The following MORC1 variants were observed in gnomAD, a reference collection of about 807,000 sequenced individuals.
MORC1 encodes MORC family CW-type zinc finger 1.
MORC1 carries 59 observed loss-of-function variants against 134.9 expected under a neutral mutation model. The observed-to-expected ratio is 0.44, with a 90% CI of 0.35 to 0.54. MORC1 has a LOEUF of 0.54. Ranked by LOEUF, MORC1 falls within the 20% of genes least tolerant of loss-of-function variation. The probability of loss-of-function intolerance (pLI) is 0.00; values close to 1 mark genes in which losing one functional copy is unlikely to be tolerated. For missense variants in MORC1, 947 were observed against 1,134.5 expected, an observed-to-expected ratio of 0.83 and a Z score of 2.37; for synonymous variants, 395 against 391.7, an observed-to-expected ratio of 1.01 and a Z score of -0.10.
chr3:108,995,253 T>C (rs534261960), intron 21 of MORC1, among the ~76,000 whole-genome samples: 2 of 152,198 alleles, frequency 1.3e-5, no homozygotes, highest in Non-Finnish European at 2.9e-5. Flanking sequence ...TAGCAACATC[T>C]ACTCAGACAC....
intron 8 of MORC1, among the ~76,000 whole-genome samples, chr3:109,081,732 C>T (rs1483157310): frequency 2.0e-5 from 3 of 152,100 alleles, no homozygotes; most frequent in Admixed American, 6.5e-5. Flanking sequence ...GGATTACAGG[C>T]GTGAGCCACT....
Position 109,040,403 on chromosome 3 carries a change from AG to A in MORC1, c.1331-4936del, listed in dbSNP as rs756607878. On this transcript the variant is annotated intron_variant, in intron 14 of 27. Transcript: ENST00000232603. The stretch of plus-strand genomic sequence containing the variant: ...GAAAGAAAGAAAGAAAGAAAGAAAG[AG>A]AAGGAAGGAAGGAAGGAAGGAAGGA... 4.7e-3 allele frequency among the ~76,000 whole-genome samples: 64 copies of A among 13,488 alleles called. 2 individuals are homozygous for A. The highest frequency in any genetic ancestry group is 9.4e-3 in the South Asian group (2 of 212). The allele number at this position is 13,488 out of a possible 152,430, so 8.8% of individuals were successfully genotyped here. A position where few individuals can be genotyped will look rare whatever the true frequency, so the allele number is the denominator to read the frequency against.
At chr3:108,960,208 TAGC>T (rs1378509184) in intron 27 of MORC1, among the ~76,000 whole-genome samples, 5 of 152,250 alleles carry the variant, frequency 3.3e-5, no homozygotes, top group African/African-American at 1.2e-4. Flanking sequence ...TGATGCTTAA[TAGC>T]AGAAACAATC....
intron 13 of MORC1, among the ~76,000 whole-genome samples, chr3:109,055,480 C>A (rs1279308821): frequency 6.6e-6 from 1 of 152,196 alleles, no homozygotes. Context: ...CAAAGCCTCA[C>A]AATTTGGGGT....
intron 14 of MORC1, among the ~76,000 whole-genome samples, chr3:109,039,064 G>A (rs1369725452): frequency 6.6e-6 from 1 of 152,078 alleles, no homozygotes; most frequent in Non-Finnish European, 1.5e-5. Context: ...TTACAGGTGT[G>A]AAGCATAATG....
At chr3:109,035,217 TG>T in intron 15 of MORC1, 122 bp downstream of exon 15, 1 of 884,824 alleles carries the variant, frequency 1.1e-6, no homozygotes, top group South Asian at 1.7e-5. Context: ...TCTTCCAGAC[TG>T]TAAACTCCTG....
chr3:109,080,608 G>A (rs954869700), intron 8 of MORC1, among the ~76,000 whole-genome samples: 8 of 152,092 alleles, frequency 5.3e-5, no homozygotes, highest in African/African-American at 1.9e-4. Context: ...AAGAACCAAC[G>A]TATAAGTGTG....
At chr3:109,067,834 T>C (rs3804671) in intron 9 of MORC1, among the ~76,000 whole-genome samples, 23,785 of 152,144 alleles carry the variant, frequency 0.16, 2,067 homozygotes, top group African/African-American at 0.22. Context: ...TCAGGGAGTA[T>C]GATGCAGAGA....
intron 7 of MORC1, among the ~76,000 whole-genome samples, chr3:109,094,291 A>T (rs530175078): frequency 6.6e-6 from 1 of 152,334 alleles, no homozygotes; most frequent in East Asian, 1.9e-4. Context: ...AGAGTAATTA[A>T]GAGGACAACT....
At chr3:109,059,470 A>T (rs1950031033) in intron 12 of MORC1, among the ~76,000 whole-genome samples, 1 of 152,200 alleles carries the variant, frequency 6.6e-6, no homozygotes, top group South Asian at 2.1e-4. Flanking sequence ...ACAGAAGGAA[A>T]GTGAGTTATC....
At chr3:108,969,565 A>T in intron 26 of MORC1, 104 bp downstream of exon 26, 1 of 1,186,404 alleles carries the variant, frequency 8.4e-7, no homozygotes, top group Non-Finnish European at 1.2e-6. Flanking sequence ...AGTGAATGCA[A>T]ATTTGATTTC....
At chr3:109,041,488 G>C (rs1410600896) in intron 14 of MORC1, among the ~76,000 whole-genome samples, 1 of 151,884 alleles carries the variant, frequency 6.6e-6, no homozygotes, top group Non-Finnish European at 1.5e-5. Flanking sequence ...GAGGTGGGCG[G>C]ATCACCTGAG....
intron 15 of MORC1, among the ~76,000 whole-genome samples, chr3:109,034,402 T>A (rs1023351947): frequency 1.2e-4 from 18 of 152,336 alleles, no homozygotes; most frequent in Middle Eastern, 6.8e-3. Context: ...TGCCCCTTTG[T>A]GTAGTGGCTA....
intron 1 of MORC1, among the ~76,000 whole-genome samples, chr3:109,117,331 CAAAAAAAAA>C (rs202128565): frequency 6.2e-5 from 7 of 113,644 alleles, no homozygotes; most frequent in Non-Finnish European, 1.1e-4. Flanking sequence ...CAAAAGATGT[CAAAAAAAAA>C]AAAAAAAAAA....
chr3:109,103,714 C>T (rs1176250522), intron 4 of MORC1, 135 bp downstream of exon 4: 2 of 706,102 alleles, frequency 2.8e-6, no homozygotes, highest in Admixed American at 6.3e-5. Flanking sequence ...CTAAAAAGTT[C>T]AACAAAAAGT....
intron 17 of MORC1, among the ~76,000 whole-genome samples, chr3:109,025,022 G>A (rs976321853): frequency 6.6e-6 from 1 of 152,130 alleles, no homozygotes; most frequent in Admixed American, 6.6e-5. Flanking sequence ...TTCTGAACAT[G>A]TTCATGGATT....
chr3:109,070,167 A>G (rs543019290), intron 8 of MORC1, among the ~76,000 whole-genome samples: 2 of 152,348 alleles, frequency 1.3e-5, no homozygotes, highest in African/African-American at 4.8e-5. Flanking sequence ...ATTCCCATTA[A>G]GTCCTTATAA....
intron 8 of MORC1, among the ~76,000 whole-genome samples, chr3:109,081,972 G>A (rs1950528441): frequency 6.6e-6 from 1 of 152,016 alleles, no homozygotes; most frequent in African/African-American, 2.4e-5. Flanking sequence ...ACGTCCTTGA[G>A]GACAGTAGGA....
rs1279390580 is a variant in MORC1 at position 108,963,455 on chromosome 3, G to T, written c.2758C>A (p.Leu920Ile). The T allele has an allele frequency of 4.3e-6, 7 of 1,610,462 alleles. No homozygotes were observed. Residue 920 changes from leucine to isoleucine, a missense_variant, in exon 27 of 28, where the codon CTT (leucine) becomes ATT (isoleucine). By Grantham distance (5) the Leu-to-Ile change is conservative. Around this residue, in one of 3 missense-constraint regions of MORC1, gnomAD observed 722 missense variants for 817.0 expected, o/e 0.88. Transcript: ENST00000232603. ...RKISEDKLKNLRIKLALLLQK... is the reference protein window; with the variant it reads ...RKISEDKLKNIRIKLALLLQK... Reference sequence around the variant, plus strand: ...AACAATAGTGCCAGTTTTATACGAAGATTCTTCAGCTTATCCTCAGAGATT... The same window carrying T: ...AACAATAGTGCCAGTTTTATACGAATATTCTTCAGCTTATCCTCAGAGATT...
Sources: allele counts gnomAD v4.1 joint callset (sites outside exome capture counted in the v4.1 genomes callset), GRCh38; gene constraint gnomAD v4.1.1; regional missense constraint gnomAD v4.1.1; transcripts MANE v1.5; gene names NCBI Gene and HGNC (gene_info 2026-07-23, HGNC 2026-07-21).